PRKCE: variants seen among roughly 807,000 people sequenced by gnomAD.
PRKCE encodes the protein protein kinase C epsilon, also known as protein kinase C epsilon type.
A neutral mutation model predicts 85.4 loss-of-function variants in PRKCE; 16 were observed. The ratio of observed to expected loss-of-function variants is 0.19; its 90% CI spans 0.13 to 0.28. The LOEUF is 0.28. Ranked by LOEUF, PRKCE falls within the 10% of genes least tolerant of loss-of-function variation. The probability of loss-of-function intolerance (pLI) is 1.00; values close to 1 mark genes in which losing one functional copy is unlikely to be tolerated. For missense variants in PRKCE, 573 were observed against 975.2 expected, an observed-to-expected ratio of 0.59 and a Z score of 5.49; for synonymous variants, 388 against 371.5, an observed-to-expected ratio of 1.04 and a Z score of -0.51.
intron 1 of PRKCE, among the ~76,000 whole-genome samples, chr2:45,809,120 T>C (rs1688469457): frequency 6.6e-6 from 1 of 152,162 alleles, no homozygotes. Context: ...CTGATGGGAC[T>C]GGTCATCTAG....
intron 1 of PRKCE, among the ~76,000 whole-genome samples, chr2:45,658,758 T>C (rs951115137): frequency 2.6e-5 from 4 of 152,220 alleles, no homozygotes; most frequent in Non-Finnish European, 5.9e-5. Flanking sequence ...AATCAGAACA[T>C]ATGGTCCAGT....
At chr2:45,840,026 G>A (rs758444103) in intron 1 of PRKCE, among the ~76,000 whole-genome samples, 1 of 152,184 alleles carries the variant, frequency 6.6e-6, no homozygotes, top group Non-Finnish European at 1.5e-5. Flanking sequence ...CCTGCCACGA[G>A]TTCTCACTCC....
intron 1 of PRKCE, among the ~76,000 whole-genome samples, chr2:45,755,622 A>G (rs1683939095): frequency 6.6e-6 from 1 of 152,196 alleles, no homozygotes; most frequent in Non-Finnish European, 1.5e-5. Context: ...TTTCAGTTGT[A>G]ACCATGTCTT....
At chr2:45,977,746 G>T (rs143668848) in intron 3 of PRKCE, among the ~76,000 whole-genome samples, 2 of 152,174 alleles carry the variant, frequency 1.3e-5, no homozygotes, top group East Asian at 3.9e-4. Flanking sequence ...AATGAGACTG[G>T]CCTGATGTCC....
In PRKCE at chr2:46,184,165, A is replaced by G. The variant is rs148471396; in HGVS notation, c.2068-570A>G. ...GTCTAGACAAAAGCATAAAAACGTC[A>G]TTGCAAGTCAATGTGCTGAGTTTAA... is the stretch of plus-strand genomic sequence containing the variant. On this transcript the variant is annotated intron_variant, in intron 14 of 14. Transcript: ENST00000306156. The surrounding 1 kb of genome is among the most constrained non-coding windows in gnomAD (Gnocchi z 5.0). 6.4e-4 allele frequency among the ~76,000 whole-genome samples: 98 copies of G among 152,304 alleles called. No homozygotes were observed. Among genetic ancestry groups the G allele is most frequent in the African/African-American group, 2.1e-3 (89 of 41,562 alleles).
intron 2 of PRKCE, among the ~76,000 whole-genome samples, chr2:45,926,446 T>C (rs1698624093): frequency 6.6e-6 from 1 of 152,108 alleles, no homozygotes; most frequent in Non-Finnish European, 1.5e-5. Context: ...TCTTTTGTTA[T>C]GGTGGTGGTG....
chr2:46,150,402 T>G (rs1676503111), intron 12 of PRKCE, among the ~76,000 whole-genome samples: 1 of 152,168 alleles, frequency 6.6e-6, no homozygotes, highest in South Asian at 2.1e-4. Flanking sequence ...AAGTGGGGGA[T>G]TCTTCAGTGG....
intron 2 of PRKCE, among the ~76,000 whole-genome samples, chr2:45,921,551 G>C (rs1698251151): frequency 6.6e-6 from 1 of 152,228 alleles, no homozygotes; most frequent in African/African-American, 2.4e-5. Flanking sequence ...CTCAGTTACA[G>C]AGTCACTGGG....
At chr2:45,780,204 A>C (rs956463251) in intron 1 of PRKCE, among the ~76,000 whole-genome samples, 1 of 152,272 alleles carries the variant, frequency 6.6e-6, no homozygotes, top group Non-Finnish European at 1.5e-5. Flanking sequence ...ATGTGCTTGA[A>C]TGATGATTCA....
chr2:46,015,504 A>G (rs1337369750), intron 10 of PRKCE, among the ~76,000 whole-genome samples: 1 of 152,110 alleles, frequency 6.6e-6, no homozygotes, highest in East Asian at 1.9e-4. Flanking sequence ...TCCCTTAGCC[A>G]ATCTCCCTTG....
At chr2:46,118,690 G>C (rs1295689874) in intron 11 of PRKCE, among the ~76,000 whole-genome samples, 3 of 152,216 alleles carry the variant, frequency 2.0e-5, no homozygotes, top group Non-Finnish European at 4.4e-5. Flanking sequence ...TACAGCCAAA[G>C]AGATGGAGGA....
At chr2:46,154,070 C>G (rs1281243697) in intron 13 of PRKCE, among the ~76,000 whole-genome samples, 3 of 152,164 alleles carry the variant, frequency 2.0e-5, no homozygotes, top group Non-Finnish European at 2.9e-5. Context: ...CAGGCGTGAG[C>G]CTCCACGCCC....
At chr2:45,669,148 C>T (rs569604852) in intron 1 of PRKCE, among the ~76,000 whole-genome samples, 2 of 152,158 alleles carry the variant, frequency 1.3e-5, no homozygotes, top group Non-Finnish European at 1.5e-5. Context: ...CTTATCCCTA[C>T]TTGGCTCTTT....
chr2:45,830,693 G>A (rs976197194), intron 1 of PRKCE, among the ~76,000 whole-genome samples: 2 of 151,962 alleles, frequency 1.3e-5, no homozygotes, highest in African/African-American at 2.4e-5. Flanking sequence ...CTAGGATAAA[G>A]AAGACCCAAA....
In PRKCE at chr2:46,004,776, G is replaced by C. The variant is rs1307943359; in HGVS notation, c.1063+138G>C. The C allele has an allele frequency of 1.4e-6, 1 of 695,786 alleles. No homozygotes were observed. Among genetic ancestry groups the C allele is most frequent in the East Asian group, 2.8e-5 (1 of 36,168 alleles). 43.1% of individuals were successfully genotyped at this position (695,786 alleles called of 1,614,324 possible). A position where few individuals can be genotyped will look rare whatever the true frequency, so the allele number is the denominator to read the frequency against. On this transcript the variant is annotated intron_variant, in intron 8 of 14. Coordinates refer to ENST00000306156, the MANE Select transcript of PRKCE (RefSeq NM_005400.3). The surrounding 1 kb of genome is among the most constrained non-coding windows in gnomAD (Gnocchi z 4.1). The stretch of plus-strand genomic sequence containing the variant: ...CCTGGTGGGTTTTCACACACCCGTT[G>C]CCTGTTGATTTAACAGTTCTTTCAT...
chr2:46,097,788 A>G (rs1370783426), intron 11 of PRKCE, among the ~76,000 whole-genome samples: 1 of 152,230 alleles, frequency 6.6e-6, no homozygotes, highest in African/African-American at 2.4e-5. Flanking sequence ...CATCACTTTT[A>G]TATGGGTCCA....
intron 1 of PRKCE, among the ~76,000 whole-genome samples, chr2:45,766,302 T>C (rs1415355338): frequency 6.6e-6 from 1 of 152,238 alleles, no homozygotes; most frequent in East Asian, 1.9e-4. Flanking sequence ...AATGTTCTAT[T>C]ACCTTTTTTG....
intron 12 of PRKCE, among the ~76,000 whole-genome samples, chr2:46,146,182 A>G (rs11885785): frequency 6.6e-6 from 1 of 152,200 alleles, no homozygotes; most frequent in Non-Finnish European, 1.5e-5. Context: ...CTGAGAGATA[A>G]CTAGTGTGAT....
At chr2:45,820,903 C>A (rs748561658) in intron 1 of PRKCE, among the ~76,000 whole-genome samples, 2 of 152,122 alleles carry the variant, frequency 1.3e-5, no homozygotes, top group African/African-American at 2.4e-5. Context: ...TCCCACCCCC[C>A]AGCATGGCAA....
Sources: allele counts gnomAD v4.1 joint callset (sites outside exome capture counted in the v4.1 genomes callset), GRCh38; gene constraint gnomAD v4.1.1; non-coding constraint Gnocchi (gnomAD v3.1); transcripts MANE v1.5; gene names NCBI Gene and HGNC (gene_info 2026-07-23, HGNC 2026-07-21).